The following ART3 variants were observed in gnomAD, a reference collection of about 807,000 sequenced individuals.
ART3 encodes ADP-ribosyltransferase 3 (inactive), also known as ecto-ADP-ribosyltransferase 3.
In ART3, 49 loss-of-function variants were observed where a neutral mutation model predicts 48.5. That is an observed-to-expected ratio of 1.01 (90% CI 0.80 to 1.28). ART3 has a LOEUF of 1.28. Among genes scored for constraint, ART3 ranks in the 50% most tolerant of loss-of-function variants. The probability of loss-of-function intolerance (pLI) is 0.00; values close to 1 mark genes in which losing one functional copy is unlikely to be tolerated. For missense variants in ART3, 438 were observed against 454.3 expected, an observed-to-expected ratio of 0.96 and a Z score of 0.33; for synonymous variants, 145 against 157.2, an observed-to-expected ratio of 0.92 and a Z score of 0.58.
Position 76,039,398 on chromosome 4 carries a change from G to A in ART3, c.-10+28078G>A, listed in dbSNP as rs370622213. On this transcript the variant is annotated intron_variant, in intron 1 of 9. Coordinates refer to the ART3 transcript ENST00000341029. ...TATTAATCATTTAGAAAAATATGTA[G>A]CACTCAAAATGTATTAACTGCTATT... Among the ~76,000 whole-genome samples, 353 of 152,236 alleles carry A rather than the reference G, an allele frequency of 2.3e-3. 3 individuals are homozygous for A. The South Asian group carries it at 0.028, about 12-fold the overall frequency.
At position 76,100,366 on chromosome 4, in the gene ART3, C is replaced by T. The variant is rs200981915; in HGVS notation, c.877+46C>T. 7.0e-5 allele frequency: 111 copies of T among 1,591,230 alleles called. No individual in the cohort carries two copies. The East Asian group carries it at 2.3e-3, about 33-fold the overall frequency. ...CTGGGGGCTTGGCCAGGCGTGGTGG[C>T]TTATGCCTGTAATCCCAGCACTTTG... On this transcript the variant is annotated intron_variant, in intron 6 of 11. Transcript: ENST00000355810.
chr4:76,097,010 C>T lies in ART3; in HGVS notation c.782-634C>T, dbSNP rs188686690. Among the ~76,000 whole-genome samples the T allele has an allele frequency of 4.7e-3, 718 of 152,174 alleles. 5 individuals carry two copies. The highest frequency in any genetic ancestry group is 0.017 in the African/African-American group (687 of 41,484). ...ATTAATTGGACAGGTAAATTTTCTC[C>T]TAAATTTTGCCGACTAATTATAGAA... On this transcript the variant is annotated intron_variant, in intron 3 of 11. Transcript: ENST00000355810.
In ART3 at chr4:76,102,818, C is replaced by T. The variant is rs976969404; in HGVS notation, c.938-1119C>T. On this transcript the variant is annotated intron_variant, in intron 8 of 11. Coordinates refer to ENST00000355810, the MANE Select transcript of ART3 (RefSeq NM_001130016.3). ...CTGTATTTTTCCAAATTATCTATAA[C>T]GTATTATATAGTTAGGAAGCATATT... Among the ~76,000 whole-genome samples the T allele has an allele frequency of 5.3e-5, 8 of 151,850 alleles. No individual in the cohort carries two copies. In the South Asian group the frequency reaches 6.2e-4, roughly 12 times the overall value.
At chr4:76,068,874 T>A (rs891709471) in intron 1 of ART3, among the ~76,000 whole-genome samples, 1 of 152,180 alleles carries the variant, frequency 6.6e-6, no homozygotes, top group Non-Finnish European at 1.5e-5. Context: ...AGAAATGAGG[T>A]CTCACTGTGT....
intron 1 of ART3, among the ~76,000 whole-genome samples, chr4:76,039,799 A>G (rs950545665): frequency 2.6e-5 from 4 of 152,224 alleles, no homozygotes; most frequent in Admixed American, 6.5e-5. Flanking sequence ...TATTTTAAAT[A>G]GAAAATAGAC....
intron 1 of ART3, among the ~76,000 whole-genome samples, chr4:76,040,340 C>G (rs1734826815): frequency 6.6e-6 from 1 of 151,738 alleles, no homozygotes; most frequent in Non-Finnish European, 1.5e-5. Flanking sequence ...AACAAAAAAC[C>G]AAACATTAGA....
chr4:76,079,431 T>A (rs926434985), intron 2 of ART3, among the ~76,000 whole-genome samples: 3 of 152,232 alleles, frequency 2.0e-5, no homozygotes, highest in Non-Finnish European at 4.4e-5. Context: ...ATGAAGGTTC[T>A]TTGAACATTC....
chr4:76,013,593 T>C (rs916082297), intron 1 of ART3, among the ~76,000 whole-genome samples: 2 of 152,374 alleles, frequency 1.3e-5, no homozygotes, highest in African/African-American at 2.4e-5. Flanking sequence ...ATTTGAGTTG[T>C]TTCCAATAAT....
At chr4:76,050,600 G>T (rs936713303) in intron 1 of ART3, among the ~76,000 whole-genome samples, 1 of 152,226 alleles carries the variant, frequency 6.6e-6, no homozygotes, top group African/African-American at 2.4e-5. Context: ...TCACGCAGTG[G>T]ATCCCGCACC....
chr4:76,069,453 T>A (rs925543506), intron 1 of ART3, among the ~76,000 whole-genome samples: 5 of 144,406 alleles, frequency 3.5e-5, no homozygotes, highest in African/African-American at 1.0e-4. Context: ...GCGGTGGCAC[T>A]ATCTCAGCTC....
chr4:76,015,510 A>C (rs1158531196), intron 1 of ART3, among the ~76,000 whole-genome samples: 1 of 152,270 alleles, frequency 6.6e-6, no homozygotes, highest in Admixed American at 6.5e-5. Context: ...TTGAGGAACA[A>C]AAAAATAAGA....
chr4:76,086,487 A>G (rs1723602331), intron 3 of ART3, among the ~76,000 whole-genome samples: 1 of 152,212 alleles, frequency 6.6e-6, no homozygotes, highest in Non-Finnish European at 1.5e-5. Flanking sequence ...AGAGATGTAG[A>G]TCAAAGGATA....
chr4:76,018,569 C>T (rs1022017045), intron 1 of ART3, among the ~76,000 whole-genome samples: 9 of 152,058 alleles, frequency 5.9e-5, no homozygotes, highest in South Asian at 2.1e-4. Flanking sequence ...AACCTGCATG[C>T]GTACTCCCTA....
At position 76,106,097 on chromosome 4, in the gene ART3, G is replaced by C. The variant is rs10028141; in HGVS notation, c.1003+1468G>C. ...TTAATCCAATACGATAAATATTATT[G>C]ACACTTCAGAGATGAGAACATGGAA... is the stretch of plus-strand genomic sequence containing the variant. On this transcript the variant is annotated intron_variant, in intron 10 of 11. Transcript: ENST00000355810. 41 of 985,030 alleles carry C rather than the reference G, an allele frequency of 4.2e-5. No individual in the cohort carries two copies. In the African/African-American group the frequency reaches 7.0e-4, roughly 17 times the overall value. 61.0% of individuals were successfully genotyped at this position (985,030 alleles called of 1,614,324 possible).
chr4:76,050,661 C>T (rs953214590), intron 1 of ART3, among the ~76,000 whole-genome samples: 8 of 152,234 alleles, frequency 5.3e-5, no homozygotes, highest in Admixed American at 4.6e-4. Flanking sequence ...TGCCCGCACT[C>T]CTCAGCCCTT....
At chr4:76,095,562 C>T (rs919181256) in intron 3 of ART3, among the ~76,000 whole-genome samples, 5 of 152,070 alleles carry the variant, frequency 3.3e-5, no homozygotes, top group African/African-American at 1.2e-4. Flanking sequence ...TTCAGGAGGC[C>T]TTCAAAAATT....
At chr4:76,072,548 T>C (rs1351551978), upstream of ART3, among the ~76,000 whole-genome samples, 2 of 152,062 alleles carry the variant, frequency 1.3e-5, no homozygotes, top group Non-Finnish European at 2.9e-5. Flanking sequence ...TGCATTATTA[T>C]AATAACCTGT....
At chr4:76,074,306 T>C (rs1036937236), upstream of ART3, among the ~76,000 whole-genome samples, 1 of 152,228 alleles carries the variant, frequency 6.6e-6, no homozygotes, top group Admixed American at 6.5e-5. Flanking sequence ...TCCCGACTCC[T>C]GACGAGGTAC....
intron 3 of ART3, among the ~76,000 whole-genome samples, chr4:76,093,927 T>C (rs1022687410): frequency 2.0e-5 from 3 of 152,226 alleles, no homozygotes; most frequent in African/African-American, 7.2e-5. Context: ...ATCCTCACTG[T>C]GATGGTATTT....
Sources: allele counts gnomAD v4.1 joint callset (sites outside exome capture counted in the v4.1 genomes callset), GRCh38; gene constraint gnomAD v4.1.1; transcripts MANE v1.5; gene names NCBI Gene and HGNC (gene_info 2026-07-23, HGNC 2026-07-21).